BORCS5: variants seen among roughly 807,000 people sequenced by gnomAD.
The protein encoded by BORCS5 is BLOC-1 related complex subunit 5, also known as BLOC-1-related complex subunit 5.
Under a neutral mutation model 22.1 loss-of-function variants are expected in BORCS5, and 17 were observed. The observed-to-expected ratio is 0.77, with a 90% CI of 0.53 to 1.15. BORCS5 has a LOEUF of 1.15. Among genes scored for constraint, BORCS5 ranks in the 50% most tolerant of loss-of-function variants. The probability of loss-of-function intolerance (pLI) is 0.00; values close to 1 mark genes in which losing one functional copy is unlikely to be tolerated. For synonymous variants in BORCS5, 117 were observed against 99.8 expected (o/e 1.17, Z -1.03); for missense variants, 247 against 253.2 (o/e 0.98, Z 0.17).
chr12:12,432,660 A>T (rs1942458540), intron 2 of BORCS5, among the ~76,000 whole-genome samples: 1 of 152,234 alleles, frequency 6.6e-6, no homozygotes. Flanking sequence ...ACAAACTCTG[A>T]TACATATATA....
intron 2 of BORCS5, among the ~76,000 whole-genome samples, chr12:12,391,812 G>T (rs370276174): frequency 6.9e-6 from 1 of 144,522 alleles, no homozygotes; most frequent in Non-Finnish European, 1.5e-5. Context: ...TGGGCAGATC[G>T]CTTGAGCTCA....
chr12:12,451,224 T>TA (rs1009595734), intron 3 of BORCS5, among the ~76,000 whole-genome samples: 3 of 151,904 alleles, frequency 2.0e-5, no homozygotes, highest in East Asian at 1.9e-4. Flanking sequence ...CAGAGGGTTG[T>TA]AAAAAAAATT....
At chr12:12,419,421 C>G (rs1182660353) in intron 2 of BORCS5, among the ~76,000 whole-genome samples, 1 of 152,210 alleles carries the variant, frequency 6.6e-6, no homozygotes, top group East Asian at 1.9e-4. Flanking sequence ...ATATGTGCCA[C>G]ATTTTCTTAA....
intron 2 of BORCS5, among the ~76,000 whole-genome samples, chr12:12,410,609 A>G (rs903316118): frequency 3.3e-5 from 5 of 152,136 alleles, no homozygotes; most frequent in African/African-American, 1.2e-4. Flanking sequence ...TACCAGTACC[A>G]TGCTGTTTTG....
intron 3 of BORCS5, among the ~76,000 whole-genome samples, chr12:12,446,573 C>G (rs1592134343): frequency 6.6e-6 from 1 of 152,312 alleles, no homozygotes; most frequent in East Asian, 1.9e-4. Context: ...CAGATCTATA[C>G]TCCTTTTAAA....
intron 2 of BORCS5, among the ~76,000 whole-genome samples, chr12:12,377,269 G>A (rs151178876): frequency 1.7e-4 from 25 of 149,416 alleles, no homozygotes; most frequent in Middle Eastern, 3.4e-3. Flanking sequence ...GCCCCGCCCC[G>A]CCAGGCTCAA....
intron 2 of BORCS5, among the ~76,000 whole-genome samples, chr12:12,381,516 G>A (rs1012696630): frequency 2.6e-5 from 4 of 151,204 alleles, no homozygotes; most frequent in African/African-American, 9.7e-5. Flanking sequence ...AAATGTAAGG[G>A]TTTATTTCTG....
At chr12:12,396,790 C>G (rs1247720968) in intron 2 of BORCS5, among the ~76,000 whole-genome samples, 1 of 152,102 alleles carries the variant, frequency 6.6e-6, no homozygotes, top group African/African-American at 2.4e-5. Flanking sequence ...AACCATTAAC[C>G]TTTATGTTAA....
chr12:12,465,042 G>A (rs776515688), intron 3 of BORCS5, among the ~76,000 whole-genome samples: 2 of 152,110 alleles, frequency 1.3e-5, no homozygotes, highest in Non-Finnish European at 2.9e-5. Context: ...CATGATCATG[G>A]CTCACTGCAG....
chr12:12,377,795 A>T (rs1863688040), intron 2 of BORCS5, among the ~76,000 whole-genome samples: 1 of 152,188 alleles, frequency 6.6e-6, no homozygotes, highest in South Asian at 2.1e-4. Context: ...ATATTTAGAG[A>T]TGCAAAAGTA....
At chr12:12,378,094 G>A (rs184246505) in intron 2 of BORCS5, among the ~76,000 whole-genome samples, 40 of 152,158 alleles carry the variant, frequency 2.6e-4, no homozygotes, top group African/African-American at 7.9e-4. Flanking sequence ...ATTATAGGCC[G>A]GGCACGGTGG....
intron 2 of BORCS5, among the ~76,000 whole-genome samples, chr12:12,420,672 C>A (rs34026123): frequency 6.6e-6 from 1 of 152,054 alleles, no homozygotes; most frequent in African/African-American, 2.4e-5. Context: ...TCTTTGTATC[C>A]GTGAGCATGG....
rs1477798696 is a variant in BORCS5, at chr12:12,413,097, T to A, written c.203-22531T>A. 3.3e-5 allele frequency among the ~76,000 whole-genome samples: 4 copies of A among 121,710 alleles called. No homozygotes were observed. The South Asian group carries it at 9.8e-4, about 30-fold the overall frequency. 79.8% of individuals were successfully genotyped at this position (121,710 alleles called of 152,430 possible). On this transcript the variant is annotated intron_variant, in intron 2 of 3. Transcript: ENST00000314565. ...TCCCTGATTACTTGAGATTGGGGAT[T>A]GGTGATGACTCTTTTTTTTTTTTTT...
At chr12:12,391,885 A>AC (rs1224408737) in intron 2 of BORCS5, among the ~76,000 whole-genome samples, 2 of 140,620 alleles carry the variant, frequency 1.4e-5, no homozygotes, top group African/African-American at 5.3e-5. Context: ...AAAAAAAAAA[A>AC]ACGCTAAAAA....
intron 2 of BORCS5, among the ~76,000 whole-genome samples, chr12:12,423,165 C>G (rs1029794390): frequency 2.0e-5 from 3 of 151,846 alleles, no homozygotes; most frequent in Non-Finnish European, 2.9e-5. Context: ...CCACGCCTGG[C>G]TAATTTTTTT....
At chr12:12,429,473 A>G (rs1174888524) in intron 2 of BORCS5, among the ~76,000 whole-genome samples, 4 of 152,106 alleles carry the variant, frequency 2.6e-5, no homozygotes, top group Non-Finnish European at 5.9e-5. Flanking sequence ...GTTTATGGAG[A>G]TTCCTATGAG....
intron 2 of BORCS5, among the ~76,000 whole-genome samples, chr12:12,418,745 T>G (rs550770590): frequency 1.3e-5 from 2 of 152,306 alleles, no homozygotes; most frequent in South Asian, 4.1e-4. Flanking sequence ...TTTCAGCCTG[T>G]TTGTGTATTT....
At chr12:12,449,918 G>A (rs1312201646) in intron 3 of BORCS5, among the ~76,000 whole-genome samples, 1 of 152,306 alleles carries the variant, frequency 6.6e-6, no homozygotes, top group East Asian at 1.9e-4. Context: ...GGCTCACCGA[G>A]CAGGTTCCTA....
At chr12:12,417,862 G>A (rs1299387303) in intron 2 of BORCS5, among the ~76,000 whole-genome samples, 1 of 151,768 alleles carries the variant, frequency 6.6e-6, no homozygotes, top group African/African-American at 2.4e-5. Flanking sequence ...GGCTGGTCTC[G>A]AACTCCTGAG....
Sources: gnomAD v4.1 joint callset for allele counts (sites outside exome capture counted in the v4.1 genomes callset) on GRCh38, gnomAD v4.1.1 for gene constraint, MANE v1.5 for transcripts, NCBI Gene and HGNC (gene_info 2026-07-23, HGNC 2026-07-21) for gene names.